The following PARD3B variants were observed in gnomAD, a reference collection of about 807,000 sequenced individuals.
PARD3B encodes the protein partitioning defective 3 homolog B.
In PARD3B, 103 loss-of-function variants were observed where a neutral mutation model predicts 130.2. The ratio of observed to expected loss-of-function variants is 0.79; its 90% confidence interval spans 0.67 to 0.93. The LOEUF (loss-of-function observed/expected upper bound fraction) is 0.93, where lower values mean the gene tolerates loss of function less well. PARD3B is among the 40% of genes least tolerant of loss of function. PARD3B has a pLI of 0.00. For missense variants in PARD3B, 1,609 were observed against 1,499.2 expected (o/e 1.07, Z -1.21); for synonymous variants, 583 against 553.2 (o/e 1.05, Z -0.76).
At chr2:204,695,278 T>A (rs2037556955) in intron 2 of PARD3B, among the ~76,000 whole-genome samples, 1 of 151,976 alleles carries the variant, frequency 6.6e-6, no homozygotes, top group Non-Finnish European at 1.5e-5. Context: ...TATACATCTG[T>A]TTTTTTACTT....
chr2:204,687,166 T>C (rs969871228), intron 2 of PARD3B, among the ~76,000 whole-genome samples: 1 of 149,834 alleles, frequency 6.7e-6, no homozygotes, highest in Non-Finnish European at 1.5e-5. Context: ...GACTGGAATA[T>C]AAATAAGTGA....
chr2:204,760,086 G>A (rs931476208), intron 2 of PARD3B, among the ~76,000 whole-genome samples: 7 of 152,008 alleles, frequency 4.6e-5, no homozygotes, highest in Admixed American at 1.3e-4. Context: ...CATTAAAGTA[G>A]CCAAATAGTC....
At chr2:205,138,643 A>T (rs1027282272) in intron 10 of PARD3B, among the ~76,000 whole-genome samples, 1 of 152,170 alleles carries the variant, frequency 6.6e-6, no homozygotes, top group Non-Finnish European at 1.5e-5. Context: ...TTCCAAAATA[A>T]CCTCTAAGTT....
intron 2 of PARD3B, among the ~76,000 whole-genome samples, chr2:204,873,603 A>C (rs1179153073): frequency 6.6e-6 from 1 of 152,230 alleles, no homozygotes; most frequent in Non-Finnish European, 1.5e-5. Flanking sequence ...GAGGGTAGGC[A>C]AACAGTACAT....
chr2:204,801,683 T>C (rs1431034859), intron 2 of PARD3B, among the ~76,000 whole-genome samples: 1 of 152,202 alleles, frequency 6.6e-6, no homozygotes, highest in Non-Finnish European at 1.5e-5. Flanking sequence ...TCTTCCTATT[T>C]GAATACCCTT....
At chr2:205,207,074 C>T (rs1389170108) in intron 15 of PARD3B, among the ~76,000 whole-genome samples, 23 of 144,022 alleles carry the variant, frequency 1.6e-4, no homozygotes, top group Admixed American at 4.1e-4. Context: ...CACTCAAAAC[C>T]GCTCAACTAC....
At chr2:204,765,854 A>G (rs2041121338) in intron 2 of PARD3B, among the ~76,000 whole-genome samples, 1 of 152,170 alleles carries the variant, frequency 6.6e-6, no homozygotes, top group African/African-American at 2.4e-5. Flanking sequence ...TTGATGTGCT[A>G]GAGTATGAAA....
At chr2:205,499,606 G>A (rs2050081252) in intron 20 of PARD3B, among the ~76,000 whole-genome samples, 1 of 152,116 alleles carries the variant, frequency 6.6e-6, no homozygotes. Flanking sequence ...TAAGAAAAAA[G>A]TGGTGGGCCT....
chr2:205,312,524 G>A (rs1050838358), intron 18 of PARD3B, among the ~76,000 whole-genome samples: 7 of 152,086 alleles, frequency 4.6e-5, no homozygotes, highest in Admixed American at 1.3e-4. Context: ...TTTGCATGTC[G>A]AAGGCCACCA....
intron 15 of PARD3B, among the ~76,000 whole-genome samples, chr2:205,210,675 G>A (rs13425339): frequency 0.78 from 119,289 of 152,034 alleles, 47,251 homozygotes; most frequent in East Asian, 0.98. Flanking sequence ...CAGAAAAGCA[G>A]TTTTGCTCGT....
intron 18 of PARD3B, among the ~76,000 whole-genome samples, chr2:205,383,054 C>T (rs1265337167): frequency 4.4e-5 from 5 of 113,580 alleles, no homozygotes; most frequent in Non-Finnish European, 1.0e-4. Flanking sequence ...TTTCTAGACT[C>T]TCTCAGGAAA....
chr2:205,531,122 C>CCAACGTATG (rs1280846138), intron 21 of PARD3B, among the ~76,000 whole-genome samples: 1 of 152,102 alleles, frequency 6.6e-6, no homozygotes, highest in East Asian at 1.9e-4. Context: ...TTTTCTTCTT[C>CCAACGTATG]CAACGTATGG....
chr2:204,683,858 G>T (rs1474744475), intron 1 of PARD3B, among the ~76,000 whole-genome samples: 2 of 152,106 alleles, frequency 1.3e-5, no homozygotes, highest in Non-Finnish European at 2.9e-5. Flanking sequence ...TTTCCAAAAT[G>T]TATCAAGATA....
At chr2:204,578,770 AT>A (rs1432425922) in intron 1 of PARD3B, among the ~76,000 whole-genome samples, 3 of 152,104 alleles carry the variant, frequency 2.0e-5, no homozygotes, top group Non-Finnish European at 4.4e-5. Flanking sequence ...CTGTTTGTGG[AT>A]GTTTCCGGAG....
At chr2:205,074,787 A>T (rs531844126) in intron 4 of PARD3B, among the ~76,000 whole-genome samples, 2 of 152,318 alleles carry the variant, frequency 1.3e-5, no homozygotes, top group Admixed American at 1.3e-4. Flanking sequence ...CTCAAAAGAA[A>T]ACAAAAAACA....
In PARD3B at chr2:205,011,613, G is replaced by T. The variant is rs1695720594; in HGVS notation, c.395-35968G>T. Among the ~76,000 whole-genome samples the T allele has an allele frequency of 6.6e-6, 1 of 152,148 alleles. No individual in the cohort carries two copies. Among genetic ancestry groups the T allele is most frequent in the African/African-American group, 2.4e-5 (1 of 41,432 alleles). The stretch of plus-strand genomic sequence containing the variant: ...AAATCCAGGCAGTGGGGCTTGCTAG[G>T]TGGCCGTCTTGGAGACAGGCTGCCA... On this transcript the variant is annotated intron_variant, in intron 3 of 22. Transcript: ENST00000406610. The surrounding 1 kb of genome is among the most constrained non-coding windows in gnomAD (Gnocchi z 4.1).
chr2:204,965,244 GACAGAAGTGGCCGCCCA>G lies in PARD3B; in HGVS notation c.318_334del (p.Glu107GlyfsTer4). On this transcript the variant is annotated frameshift_variant, in exon 3 of 23. Transcript: ENST00000406610. LOFTEE classifies it high-confidence loss of function. ...ATCGGCAGAGCCCAGATGCTTTTGA[GACAGAAGTGGCCGCCCA>G]ACTGGCCGCATTTAAGCCAATTGGT... 6.2e-7 allele frequency: 1 copy of G among 1,613,918 alleles called. No homozygotes were observed. The highest frequency in any genetic ancestry group is 8.5e-7 in the Non-Finnish European group (1 of 1,179,904).
chr2:205,065,872 T>C (rs1290365706), intron 4 of PARD3B, among the ~76,000 whole-genome samples: 1 of 152,134 alleles, frequency 6.6e-6, no homozygotes, highest in Non-Finnish European at 1.5e-5. Flanking sequence ...TAAATAAATA[T>C]TTTAATAAAT....
intron 16 of PARD3B, among the ~76,000 whole-genome samples, chr2:205,267,175 C>T (rs925142510): frequency 6.6e-6 from 1 of 152,098 alleles, no homozygotes; most frequent in African/African-American, 2.4e-5. Context: ...TTTTCTTTTA[C>T]AGTCCCCATG....
Sources: gnomAD v4.1 joint callset for allele counts (sites outside exome capture counted in the v4.1 genomes callset) on GRCh38, gnomAD v4.1.1 for gene constraint, Gnocchi (gnomAD v3.1) non-coding constraint, MANE v1.5 for transcripts, NCBI Gene and HGNC (gene_info 2026-07-23, HGNC 2026-07-21) for gene names.